The following GRB10 variants were observed in gnomAD, a reference collection of about 807,000 sequenced individuals.
The protein encoded by GRB10 is growth factor receptor bound protein 10.
In GRB10, 20 loss-of-function variants were observed where a neutral mutation model predicts 80.9. That is an observed-to-expected ratio of 0.25 (90% CI 0.17 to 0.36). GRB10 has a LOEUF of 0.36. GRB10 is among the 10% of genes least tolerant of loss of function. The pLI is 1.00. For missense variants in GRB10, 548 were observed against 747.7 expected (o/e 0.73, Z 3.12); for synonymous variants, 291 against 291.5 (o/e 1.00, Z 0.02).
intron 5 of GRB10, among the ~76,000 whole-genome samples, chr7:50,698,620 C>T (rs951740258): frequency 2.6e-5 from 4 of 152,126 alleles, no homozygotes; most frequent in African/African-American, 9.7e-5. Flanking sequence ...TGTGGGTCTC[C>T]TTATGGGATA....
intron 5 of GRB10, among the ~76,000 whole-genome samples, chr7:50,684,429 C>T (rs1011281693): frequency 6.6e-6 from 1 of 151,880 alleles, no homozygotes; most frequent in African/African-American, 2.4e-5. Flanking sequence ...AAAGACCTGG[C>T]ATCCAATGTT....
At chr7:50,705,868 AG>A (rs1315823037) in intron 4 of GRB10, among the ~76,000 whole-genome samples, 3 of 152,230 alleles carry the variant, frequency 2.0e-5, no homozygotes, top group Admixed American at 6.5e-5. Flanking sequence ...GGAAAGGGCA[AG>A]GTCCCCAAGA....
intron 4 of GRB10, among the ~76,000 whole-genome samples, chr7:50,728,694 C>T (rs532394570): frequency 2.4e-4 from 36 of 152,218 alleles, no homozygotes; most frequent in African/African-American, 8.4e-4. Flanking sequence ...TTTTTGAGAC[C>T]GGGTCTTGCT....
At chr7:50,678,402 A>ATCTG (rs2061180633) in intron 5 of GRB10, among the ~76,000 whole-genome samples, 1 of 152,216 alleles carries the variant, frequency 6.6e-6, no homozygotes, top group African/African-American at 2.4e-5. Flanking sequence ...CAACCACTCT[A>ATCTG]TCTGGATGTT....
chr7:50,626,938 A>G lies in GRB10; in HGVS notation c.545T>C (p.Val182Ala). Residue 182 changes from valine (V) to alanine (A), a missense_variant, in exon 8 of 19, where the codon GTG becomes GCG. Physicochemically the swap from Val to Ala is moderately conservative, Grantham distance 64. Coordinates refer to ENST00000401949, the MANE Select transcript of GRB10 (RefSeq NM_001350814.2). ...GGCTGTCATGTCTGCTAGAATCTCCACCACTTTGCTTGTCCCATCTTCACT... is the reference window on the plus strand; with the variant it reads ...GGCTGTCATGTCTGCTAGAATCTCCGCCACTTTGCTTGTCCCATCTTCACT... Reference protein sequence around the residue: ...VFSEDGTSKVVEILADMTARD... With the variant: ...VFSEDGTSKVAEILADMTARD... 2 of 1,614,104 alleles carry G rather than the reference A, an allele frequency of 1.2e-6. No individual in the cohort carries two copies. Among genetic ancestry groups the G allele is most frequent in the Non-Finnish European group, 1.7e-6 (2 of 1,179,988 alleles).
At chr7:50,791,552 G>A (rs545382452) in intron 1 of GRB10, among the ~76,000 whole-genome samples, 2 of 152,326 alleles carry the variant, frequency 1.3e-5, no homozygotes, top group East Asian at 3.9e-4. Context: ...TTTCAGACCT[G>A]TAAAATGGGG....
chr7:50,705,059 A>G (rs746592514), intron 4 of GRB10: 3 of 757,076 alleles, frequency 4.0e-6, no homozygotes, highest in Non-Finnish European at 4.8e-6. Context: ...CTTCCCAGCA[A>G]GCAGTTTCTC....
intron 10 of GRB10, among the ~76,000 whole-genome samples, chr7:50,617,358 T>A (rs553459086): frequency 1.8e-4 from 27 of 152,230 alleles, no homozygotes; most frequent in Non-Finnish European, 3.5e-4. Context: ...TAATGTCACC[T>A]GGATCTTGTT....
chr7:50,692,486 T>C (rs561112622), intron 5 of GRB10, among the ~76,000 whole-genome samples: 1 of 152,154 alleles, frequency 6.6e-6, no homozygotes, highest in Non-Finnish European at 1.5e-5. Flanking sequence ...ATCTCATGAA[T>C]GGCAAGGCAC....
At chr7:50,693,565 A>G (rs2063080410) in intron 5 of GRB10, among the ~76,000 whole-genome samples, 1 of 152,214 alleles carries the variant, frequency 6.6e-6, no homozygotes, top group Non-Finnish European at 1.5e-5. Context: ...TCAGGAGTTA[A>G]GTGTTTGTGT....
intron 3 of GRB10, among the ~76,000 whole-genome samples, chr7:50,755,005 G>C (rs974430664): frequency 1.3e-5 from 2 of 152,214 alleles, no homozygotes; most frequent in African/African-American, 4.8e-5. Context: ...CCATGTGCAA[G>C]CCCAGGAGAG....
At chr7:50,704,404 AT>A (rs1174959042) in intron 4 of GRB10, among the ~76,000 whole-genome samples, 1 of 152,214 alleles carries the variant, frequency 6.6e-6, no homozygotes, top group African/African-American at 2.4e-5. Flanking sequence ...TTCAGGCAAA[AT>A]GTAAAACAGC....
At chr7:50,691,639 T>C (rs1222784976) in intron 5 of GRB10, among the ~76,000 whole-genome samples, 1 of 152,226 alleles carries the variant, frequency 6.6e-6, no homozygotes, top group South Asian at 2.1e-4. Context: ...GAATAATCAT[T>C]AATGACATGT....
At chr7:50,684,267 C>CAAAAAAAAAAAAAAAAAAAAAAA (rs386410128) in intron 5 of GRB10, among the ~76,000 whole-genome samples, 1 of 62,278 alleles carries the variant, frequency 1.6e-5, no homozygotes, top group African/African-American at 7.1e-5. Context: ...CAATCATCAC[C>CAAAAAAAAAAAAAAAAAAAAAAA]AAAAAAAAAA....
At chr7:50,628,589 G>A (rs1238995254) in intron 7 of GRB10, among the ~76,000 whole-genome samples, 4 of 151,956 alleles carry the variant, frequency 2.6e-5, no homozygotes, top group South Asian at 2.1e-4. Flanking sequence ...TGGTAGAGGC[G>A]GGGCTCAGCG....
intron 7 of GRB10, among the ~76,000 whole-genome samples, chr7:50,645,884 A>G (rs1442134726): frequency 1.3e-5 from 2 of 152,246 alleles, no homozygotes; most frequent in African/African-American, 2.4e-5. Flanking sequence ...GAGGAACTGC[A>G]GAGTCCTAGC....
intron 7 of GRB10, among the ~76,000 whole-genome samples, chr7:50,639,956 T>G (rs1338283714): frequency 2.0e-5 from 3 of 152,208 alleles, no homozygotes. Flanking sequence ...TGAAAACCAC[T>G]TTTAAAAAAT....
intron 1 of GRB10, among the ~76,000 whole-genome samples, chr7:50,789,348 G>GACTGCATGAGC (rs1266978711): frequency 6.6e-6 from 1 of 152,204 alleles, no homozygotes; most frequent in African/African-American, 2.4e-5. Context: ...TCGCCACAAA[G>GACTGCATGAGC]ACTGCATGAG....
At chr7:50,649,205 A>G (rs2057672209) in intron 7 of GRB10, among the ~76,000 whole-genome samples, 1 of 152,194 alleles carries the variant, frequency 6.6e-6, no homozygotes, top group Non-Finnish European at 1.5e-5. Context: ...TTCTAGTGGT[A>G]AAACAGAGAA....
Sources: gnomAD v4.1 joint callset for allele counts (sites outside exome capture counted in the v4.1 genomes callset) on GRCh38, gnomAD v4.1.1 for gene constraint, MANE v1.5 for transcripts, NCBI Gene and HGNC (gene_info 2026-07-23, HGNC 2026-07-21) for gene names.